ANO4: variants seen among roughly 807,000 people sequenced by gnomAD.
The protein encoded by ANO4 is anoctamin-4.
Under a neutral mutation model 141.9 loss-of-function variants are expected in ANO4, and 69 were observed. The observed-to-expected ratio is 0.49, with a 90% CI of 0.40 to 0.59. ANO4 has a LOEUF of 0.59. Ranked by LOEUF, ANO4 falls within the 20% of genes least tolerant of loss-of-function variation. ANO4 has a pLI of 0.00. For synonymous variants in ANO4, 350 were observed against 394.3 expected, an observed-to-expected ratio of 0.89 and a Z score of 1.33; for missense variants, 894 against 1,162.2, an observed-to-expected ratio of 0.77 and a Z score of 3.36.
intron 1 of ANO4, among the ~76,000 whole-genome samples, chr12:100,798,937 G>A (rs77316174): frequency 0.013 from 2,012 of 152,318 alleles, 52 homozygotes; most frequent in African/African-American, 0.046. Context: ...CAGACATAAT[G>A]TAATACAGTA....
chr12:100,829,250 G>A (rs1370073327), intron 1 of ANO4, among the ~76,000 whole-genome samples: 1 of 151,960 alleles, frequency 6.6e-6, no homozygotes, highest in African/African-American at 2.4e-5. Context: ...TATTAGGTGG[G>A]TAACTTCAGA....
chr12:101,031,671 A>G (rs544228652), intron 9 of ANO4, among the ~76,000 whole-genome samples: 4 of 152,348 alleles, frequency 2.6e-5, no homozygotes, highest in East Asian at 1.9e-4. Context: ...ATGATTGTAT[A>G]TATAGAAAAC....
Position 101,097,591 on chromosome 12 carries a change from A to C in ANO4, c.1851-60A>C. ...TGGAGAATGTGCTAAACTAAATGTA[A>C]TATTCGCTGAAAGCTTGGACCTAGA... On this transcript the variant is annotated intron_variant, in intron 19 of 27. Transcript: ENST00000392977. The C allele has an allele frequency of 2.0e-6, 3 of 1,484,986 alleles. No individual in the cohort carries two copies. The South Asian group carries it at 3.4e-5, about 17-fold the overall frequency. The allele number at this position is 1,484,986 out of a possible 1,614,324, so 92.0% of individuals were successfully genotyped here. A position where few individuals can be genotyped will look rare whatever the true frequency, so the allele number is the denominator to read the frequency against.
At chr12:101,076,424 A>G (rs2049027183) in intron 14 of ANO4, among the ~76,000 whole-genome samples, 1 of 152,184 alleles carries the variant, frequency 6.6e-6, no homozygotes. Flanking sequence ...TCTATTGTTT[A>G]GAAGCTACCC....
intron 1 of ANO4, among the ~76,000 whole-genome samples, chr12:100,868,583 A>G (rs938970083): frequency 6.6e-6 from 1 of 152,120 alleles, no homozygotes; most frequent in African/African-American, 2.4e-5. Context: ...TCCATTGATA[A>G]CAAAGACACT....
At chr12:100,986,195 C>T (rs764220400) in intron 7 of ANO4, among the ~76,000 whole-genome samples, 3 of 152,110 alleles carry the variant, frequency 2.0e-5, no homozygotes, top group Non-Finnish European at 4.4e-5. Context: ...ACGGTTAGCT[C>T]ATAAGATTCT....
At chr12:101,061,047 C>T (rs2136728664) in intron 14 of ANO4, among the ~76,000 whole-genome samples, 1 of 152,210 alleles carries the variant, frequency 6.6e-6, no homozygotes, top group South Asian at 2.1e-4. Flanking sequence ...TTAGTGCTTC[C>T]TTCAGGAGCT....
chr12:100,769,300 A>G (rs1199376279), intron 3 of ANO4, among the ~76,000 whole-genome samples: 3 of 152,220 alleles, frequency 2.0e-5, no homozygotes, highest in Non-Finnish European at 4.4e-5. Context: ...GGCTCCTGAA[A>G]TTGATCCGAA....
At chr12:101,126,157 T>A (rs2051305376) in intron 26 of ANO4, among the ~76,000 whole-genome samples, 1 of 152,208 alleles carries the variant, frequency 6.6e-6, no homozygotes, top group African/African-American at 2.4e-5. Flanking sequence ...ATCACCAAAT[T>A]TATCAAGTTT....
At chr12:101,057,107 T>G (rs2048155610) in intron 14 of ANO4, among the ~76,000 whole-genome samples, 2 of 151,820 alleles carry the variant, frequency 1.3e-5, no homozygotes, top group South Asian at 4.2e-4. Flanking sequence ...ATGCAGTGTT[T>G]GGTTTTCTCT....
At chr12:100,924,275 T>TATCC (rs1205761038) in intron 3 of ANO4, among the ~76,000 whole-genome samples, 1 of 152,136 alleles carries the variant, frequency 6.6e-6, no homozygotes, top group African/African-American at 2.4e-5. Flanking sequence ...GCTTTTTAGT[T>TATCC]ATCCCCATTT....
chr12:101,024,619 G>A (rs1418646993), intron 9 of ANO4, among the ~76,000 whole-genome samples: 2 of 151,690 alleles, frequency 1.3e-5, no homozygotes, highest in Admixed American at 6.6e-5. Flanking sequence ...GTTATCATGT[G>A]AGTCTCTTAT....
At chr12:101,003,989 C>T (rs2045763860) in intron 8 of ANO4, among the ~76,000 whole-genome samples, 1 of 151,808 alleles carries the variant, frequency 6.6e-6, no homozygotes, top group Non-Finnish European at 1.5e-5. Context: ...TATCAGATTA[C>T]CAAGCAGGAT....
At chr12:100,973,433 A>G (rs2044016954) in intron 6 of ANO4, among the ~76,000 whole-genome samples, 1 of 152,158 alleles carries the variant, frequency 6.6e-6, no homozygotes, top group Admixed American at 6.5e-5. Flanking sequence ...GTCTCCATGG[A>G]TTTTTATCCC....
chr12:101,082,532 T>C (rs1166436295), intron 15 of ANO4, among the ~76,000 whole-genome samples: 1 of 152,224 alleles, frequency 6.6e-6, no homozygotes, highest in East Asian at 1.9e-4. Flanking sequence ...CAGAAGATTC[T>C]AGGTCTGCTA....
At chr12:100,883,944 G>C (rs989523504) in intron 1 of ANO4, among the ~76,000 whole-genome samples, 1 of 152,080 alleles carries the variant, frequency 6.6e-6, no homozygotes, top group Non-Finnish European at 1.5e-5. Context: ...AAAATACAAC[G>C]GTTGTCCTCT....
intron 7 of ANO4, among the ~76,000 whole-genome samples, chr12:100,979,821 G>A (rs80040477): frequency 0.12 from 17,975 of 151,414 alleles, 1,207 homozygotes; most frequent in East Asian, 0.3. Flanking sequence ...TCCGCCTCCC[G>A]GGTTCACGCC....
chr12:100,974,358 A>G (rs1038807052), intron 6 of ANO4, among the ~76,000 whole-genome samples: 8 of 151,834 alleles, frequency 5.3e-5, no homozygotes, highest in African/African-American at 1.9e-4. Flanking sequence ...ATACATATAT[A>G]TATATTTATT....
chr12:100,912,417 G>T (rs12812086), intron 2 of ANO4, among the ~76,000 whole-genome samples: 5 of 121,002 alleles, frequency 4.1e-5, no homozygotes, highest in Admixed American at 3.6e-4. Context: ...AAAGAAAAAA[G>T]AAAAAAAAAA....
Sources: allele counts gnomAD v4.1 joint callset (sites outside exome capture counted in the v4.1 genomes callset), GRCh38; gene constraint gnomAD v4.1.1; transcripts MANE v1.5; gene names NCBI Gene and HGNC (gene_info 2026-07-23, HGNC 2026-07-21).